Variants in APAF1 observed in about 807,000 individuals in gnomAD.
The protein encoded by APAF1 is apoptotic peptidase activating factor 1.
In APAF1, 91 loss-of-function variants were observed where a neutral mutation model predicts 152.4. That is an observed-to-expected ratio of 0.60 (90% CI 0.50 to 0.71). APAF1 has a LOEUF of 0.71. APAF1 is among the 30% of genes least tolerant of loss of function. The probability of loss-of-function intolerance (pLI) is 0.00; values close to 1 mark genes in which losing one functional copy is unlikely to be tolerated. For synonymous variants in APAF1, 484 were observed against 494.1 expected, an observed-to-expected ratio of 0.98 and a Z score of 0.27; for missense variants, 1,283 against 1,472.0, an observed-to-expected ratio of 0.87 and a Z score of 2.10.
intron 4 of APAF1, among the ~76,000 whole-genome samples, chr12:98,651,685 G>T (rs58671221): frequency 2.5e-4 from 38 of 152,168 alleles, no homozygotes; most frequent in African/African-American, 8.7e-4. Context: ...TAAAGAGACA[G>T]AGTGTCACCC....
intron 4 of APAF1, among the ~76,000 whole-genome samples, chr12:98,656,205 C>T (rs570363184): frequency 3.5e-4 from 53 of 152,260 alleles, no homozygotes; most frequent in Middle Eastern, 6.8e-3. Context: ...TGGGAGCCAC[C>T]GTGCCAGGCT....
Position 98,723,699 on chromosome 12 carries a change from C to G in APAF1, c.3265C>G (p.Leu1089Val). ...KDFVCHQGTV[L>V]SCDISHDATK... Reference sequence around the variant, plus strand: ...CTTTGTCTGTCACCAGGGTACAGTACTTTCTTGTGACATTTCTCACGATGC... The same window carrying G: ...CTTTGTCTGTCACCAGGGTACAGTAGTTTCTTGTGACATTTCTCACGATGC... Residue 1089 changes from leucine to valine, a missense_variant, in exon 24 of 27, where the codon CTT becomes GTT. Physicochemically the swap from Leu to Val is conservative, Grantham distance 32 (BLOSUM62 1). Coordinates refer to ENST00000551964, the MANE Select transcript of APAF1 (RefSeq NM_181861.2). 1.2e-6 allele frequency: 2 copies of G among 1,610,680 alleles called. No individual in the cohort carries two copies. The highest frequency in any genetic ancestry group is 1.7e-6 in the Non-Finnish European group (2 of 1,178,118).
intron 4 of APAF1, among the ~76,000 whole-genome samples, chr12:98,653,889 C>A (rs1212739794): frequency 6.6e-6 from 1 of 151,134 alleles, no homozygotes; most frequent in Non-Finnish European, 1.5e-5. Context: ...GGTTTTTAAT[C>A]ATGGATGCTT....
At chr12:98,720,637 G>A (rs2097741133) in intron 22 of APAF1, among the ~76,000 whole-genome samples, 1 of 152,148 alleles carries the variant, frequency 6.6e-6, no homozygotes, top group Non-Finnish European at 1.5e-5. Flanking sequence ...GCTTACATGA[G>A]CCAGTATATA....
Position 98,649,641 on chromosome 12 carries a change from T to C in APAF1, c.483T>C (p.Ser161=). ...TIHGMAGCGK[S]VLAAEAVRDH... is the part of the protein sequence containing the mutation. ...ATGGAATGGCAGGCTGTGGGAAGTC[T>C]GTATTAGCTGCAGAAGCTGTTAGAG... The change falls in exon 4 of 27, where the codon TCT becomes TCC. Residue 161 remains serine, a synonymous_variant. Coordinates refer to ENST00000551964, the MANE Select transcript of APAF1 (RefSeq NM_181861.2). 1 of 1,614,148 alleles carries C rather than the reference T, an allele frequency of 6.2e-7. No individual in the cohort carries two copies. Among genetic ancestry groups the C allele is most frequent in the Non-Finnish European group, 8.5e-7 (1 of 1,179,998 alleles).
At chr12:98,667,720 C>A in intron 10 of APAF1, 76 bp downstream of exon 10, 13 of 1,181,768 alleles carry the variant, frequency 1.1e-5, no homozygotes, top group South Asian at 1.6e-5. Flanking sequence ...TGCTTTTTTT[C>A]TGTTATTTTT....
rs745436384 is a variant in APAF1, at chr12:98,648,376, G to A, written c.17G>A (p.Arg6Gln). The A allele has an allele frequency of 2.5e-6, 4 of 1,613,926 alleles. No individual in the cohort carries two copies. Among genetic ancestry groups the A allele is most frequent in the African/African-American group, 1.3e-5 (1 of 74,910 alleles). Residue 6 changes from arginine (R) to glutamine (Q), a missense_variant, in exon 2 of 27, where the codon CGA becomes CAA. Coordinates refer to ENST00000551964, the MANE Select transcript of APAF1 (RefSeq NM_181861.2). Reference sequence around the variant, plus strand: ...TGAGGGAAGATGGATGCAAAAGCTCGAAATTGTTTGCTTCAACATAGAGAA... The same window carrying A: ...TGAGGGAAGATGGATGCAAAAGCTCAAAATTGTTTGCTTCAACATAGAGAA... MDAKA[R>Q]NCLLQHREAL...
intron 25 of APAF1, chr12:98,726,613 AG>A (rs966920464): frequency 6.5e-6 from 1 of 154,230 alleles, no homozygotes; most frequent in Admixed American, 6.5e-5. Flanking sequence ...CTGAAGTGGC[AG>A]GGCTGCTTTG....
chr12:98,672,245 A>G (rs1022825893), intron 12 of APAF1, among the ~76,000 whole-genome samples: 3 of 151,870 alleles, frequency 2.0e-5, no homozygotes, highest in Non-Finnish European at 4.4e-5. Context: ...GCTCACTGCA[A>G]CCTCTGCCTC....
intron 17 of APAF1, among the ~76,000 whole-genome samples, chr12:98,700,776 C>T (rs1458667559): frequency 6.6e-6 from 1 of 152,128 alleles, no homozygotes; most frequent in Non-Finnish European, 1.5e-5. Context: ...CTCCTCTTTC[C>T]CCTCTCTTGC....
At chr12:98,659,480 A>G (rs1303045123) in intron 5 of APAF1, 137 bp downstream of exon 5, 5 of 960,170 alleles carry the variant, frequency 5.2e-6, no homozygotes. Flanking sequence ...GGCCAGGTGC[A>G]GTGGCTCACG....
intron 10 of APAF1, among the ~76,000 whole-genome samples, chr12:98,670,392 T>C (rs1220666906): frequency 2.0e-5 from 3 of 152,296 alleles, no homozygotes; most frequent in East Asian, 3.9e-4. Flanking sequence ...CTTTGTTTGC[T>C]TTTACCTCCT....
At position 98,671,652 on chromosome 12, in the gene APAF1, GT is replaced by G; in HGVS notation, c.1729del (p.Tyr577IlefsTer22). ...TCTCTGTGAGCCGGAAACTTCAGAA[GT>G]TTATCAGCAAGCTAAGCTGCAGGCC... is the stretch of plus-strand genomic sequence containing the variant. ...LGLCEPETSEVYQQAKLQAKQ... is the reference protein window; with the variant it reads ...LGLCEPETSEXYQQAKLQAKQ... On this transcript the variant is annotated frameshift_variant, in exon 12 of 27. Coordinates refer to ENST00000551964, the MANE Select transcript of APAF1 (RefSeq NM_181861.2). LOFTEE classifies it high-confidence loss of function. 1 of 1,614,036 alleles carries G rather than the reference GT, an allele frequency of 6.2e-7. No homozygotes were observed. Among genetic ancestry groups the G allele is most frequent in the South Asian group, 1.1e-5 (1 of 91,076 alleles).
chr12:98,705,839 A>C (rs543054796), intron 18 of APAF1, among the ~76,000 whole-genome samples: 9 of 152,298 alleles, frequency 5.9e-5, no homozygotes, highest in African/African-American at 2.2e-4. Context: ...TGTTCATCCT[A>C]TTATTTTTTG....
At position 98,699,379 on chromosome 12, in the gene APAF1, T is replaced by A. The variant is rs774554248; in HGVS notation, c.2305-29T>A. ...AGTGTGATTATAGAGTAAAACAAAC[T>A]TTTTCTTTTTTATTACTTTAATTCA... On this transcript the variant is annotated intron_variant, in intron 16 of 26. Transcript: ENST00000551964. 20 of 1,607,870 alleles carry A rather than the reference T, an allele frequency of 1.2e-5. No homozygotes were observed. In the South Asian group the frequency reaches 2.1e-4, roughly 17 times the overall value.
At chr12:98,690,588 A>G (rs2153328964) in intron 16 of APAF1, among the ~76,000 whole-genome samples, 1 of 152,290 alleles carries the variant, frequency 6.6e-6, no homozygotes, top group South Asian at 2.1e-4. Context: ...GTTTGCCATT[A>G]TTATTAGGTT....
intron 3 of APAF1, 71 bp from the exon 4 acceptor site, chr12:98,649,416 T>C (rs1055365140): frequency 6.4e-7 from 1 of 1,554,710 alleles, no homozygotes; most frequent in Non-Finnish European, 8.9e-7. Context: ...TGCTCTTTGT[T>C]TTTTATGGTA....
At chr12:98,703,649 G>A in intron 18 of APAF1, 150 bp downstream of exon 18, 1 of 934,176 alleles carries the variant, frequency 1.1e-6, no homozygotes, top group South Asian at 1.5e-5. Context: ...CTAACTTTGG[G>A]ATATTAAACC....
chr12:98,665,276 A>AT (rs1198534474), intron 7 of APAF1, among the ~76,000 whole-genome samples: 16 of 67,872 alleles, frequency 2.4e-4, no homozygotes, highest in South Asian at 1.4e-3. Context: ...ATATATATAT[A>AT]TATTTTTTTT....
Sources: allele counts gnomAD v4.1 joint callset (sites outside exome capture counted in the v4.1 genomes callset), GRCh38; gene constraint gnomAD v4.1.1; transcripts MANE v1.5; gene names NCBI Gene and HGNC (gene_info 2026-07-23, HGNC 2026-07-21).